Variants in STAG2 observed in about 807,000 individuals in gnomAD.
STAG2 encodes cohesin subunit SA-2.
STAG2 carries 14 observed loss-of-function variants against 108.1 expected under a neutral mutation model. The ratio of observed to expected loss-of-function variants is 0.13; its 90% CI spans 0.09 to 0.20. The LOEUF (loss-of-function observed/expected upper bound fraction) is 0.20. Among genes scored for constraint, STAG2 ranks in the 10% least tolerant of loss-of-function variants. STAG2 has a pLI of 1.00. For missense variants in STAG2, 440 were observed against 940.9 expected (o/e 0.47, Z 6.96); for synonymous variants, 307 against 302.7 (o/e 1.01, Z -0.15).
chrX:124,042,505 C>A (rs964233454), intron 6 of STAG2, 64 bp from the exon 7 acceptor site: 3 of 808,258 alleles, frequency 3.7e-6, no homozygotes, highest in East Asian at 3.2e-5. Context: ...TAGAGACTTA[C>A]TTGGAAGTTT....
In STAG2 at chrX:124,068,676, G is replaced by A. The variant is rs374104166; in HGVS notation, c.2358+20G>A. ...GAACAGGTTAGTAATTACTATAGAT[G>A]GTAATCTTTTTGTAAGCAACCTTTA... On this transcript the variant is annotated intron_variant, in intron 24 of 34. Coordinates refer to ENST00000371145, the MANE Select transcript of STAG2 (RefSeq NM_001042750.2). 20 of 1,054,164 alleles carry A rather than the reference G, an allele frequency of 1.9e-5. No individual in the cohort carries two copies. In the African/African-American group the frequency reaches 3.1e-4, roughly 16 times the overall value. The allele number at this position is 1,054,164 out of a possible 1,213,427, so 86.9% of individuals were successfully genotyped here. A position where few individuals can be genotyped will look rare whatever the true frequency, so the allele number is the denominator to read the frequency against.
At position 124,036,609 on chromosome X, in the gene STAG2, C is replaced by T. The variant is rs147756175; in HGVS notation, c.289-918C>T. 6.1e-3 allele frequency among the ~76,000 whole-genome samples: 681 copies of T among 111,065 alleles called. 8 individuals carry two copies. The highest frequency in any genetic ancestry group is 0.02 in the African/African-American group (614 of 30,573). On this transcript the variant is annotated intron_variant, in intron 5 of 34. Transcript: ENST00000371145. ...CATGTTGGCCTCTCGAACTCCTGAC[C>T]TCAAGTGATCCGCTGGCTTCAGCCT...
At chrX:124,047,333 A>G (rs372012887) in intron 8 of STAG2, 21 bp from the exon 9 acceptor site, 980 of 1,157,222 alleles carry the variant, frequency 8.5e-4, no homozygotes, top group Non-Finnish European at 1.1e-3. Flanking sequence ...GTTTCACCAT[A>G]CTTTTACTCT....
chrX:124,098,575 T>C (rs1035344799), intron 34 of STAG2, among the ~76,000 whole-genome samples: 3 of 111,583 alleles, frequency 2.7e-5, no homozygotes, highest in Non-Finnish European at 5.7e-5. Context: ...TTAAATTCTT[T>C]AATGTCCAGT....
At chrX:124,026,566 A>AT (rs780920254) in intron 4 of STAG2, 121 of 271,133 alleles carry the variant, frequency 4.5e-4, no homozygotes, top group African/African-American at 3.2e-3. Context: ...GTTGTTCAGC[A>AT]TTTGTTTTTC....
chrX:124,027,860 C>G (rs2057158814), intron 4 of STAG2, among the ~76,000 whole-genome samples: 1 of 111,053 alleles, frequency 9.0e-6, no homozygotes, highest in Non-Finnish European at 1.9e-5. Context: ...TTTTTTCTCT[C>G]CAAGGTTGTA....
chrX:124,058,048 T>C lies in STAG2; in HGVS notation c.1416+71T>C, dbSNP rs369504223. 2.5e-5 allele frequency: 14 copies of C among 565,407 alleles called. 1 individual carries two copies. In the East Asian group the frequency reaches 3.1e-4, roughly 13 times the overall value. 46.6% of individuals were successfully genotyped at this position (565,407 alleles called of 1,213,427 possible). A position where few individuals can be genotyped will look rare whatever the true frequency, so the allele number is the denominator to read the frequency against. On this transcript the variant is annotated intron_variant, in intron 15 of 34. Transcript: ENST00000371145. ...GAAAAGGGGTTAAAATGAGGCACAT[T>C]TAAAAAAATATTCCTTGTAGCACAG...
chrX:123,978,314 C>G lies in STAG2; in HGVS notation c.-163+16458C>G, dbSNP rs369532418. ...GCTATTCTTCCTGATGCTCTTCCCC[C>G]ACTCCCACAGGCCCCATTGTGTGTT... On this transcript the variant is annotated intron_variant, in intron 1 of 34. Coordinates refer to ENST00000371145, the MANE Select transcript of STAG2 (RefSeq NM_001042750.2). Among the ~76,000 whole-genome samples the G allele has an allele frequency of 4.6e-5, 5 of 109,333 alleles. No individual in the cohort carries two copies. The East Asian group carries it at 8.6e-4, about 19-fold the overall frequency. The allele number at this position is 109,333 out of a possible 115,157, so 94.9% of individuals were successfully genotyped here. A position where few individuals can be genotyped will look rare whatever the true frequency, so the allele number is the denominator to read the frequency against.
At chrX:124,017,088 C>A (rs2056755655) in intron 1 of STAG2, among the ~76,000 whole-genome samples, 1 of 110,788 alleles carries the variant, frequency 9.0e-6, no homozygotes, top group Non-Finnish European at 1.9e-5. Flanking sequence ...TTAAGTGTTC[C>A]CCTCCCCTGT....
At chrX:123,991,672 T>C (rs1307180167) in intron 1 of STAG2, among the ~76,000 whole-genome samples, 1 of 108,005 alleles carries the variant, frequency 9.3e-6, no homozygotes, top group Non-Finnish European at 1.9e-5. Context: ...TTTTCTTTTT[T>C]TTTTTTTTTG....
intron 13 of STAG2, among the ~76,000 whole-genome samples, chrX:124,051,801 A>G (rs950124612): frequency 1.9e-4 from 21 of 111,229 alleles, no homozygotes; most frequent in Admixed American, 6.7e-4. Context: ...TGTGTTAGCC[A>G]GGATGGTCTC....
At chrX:123,987,269 C>A (rs772971209) in intron 1 of STAG2, among the ~76,000 whole-genome samples, 42 of 108,940 alleles carry the variant, frequency 3.9e-4, no homozygotes, top group Non-Finnish European at 7.6e-4. Flanking sequence ...GGATTACAGG[C>A]GTGAGCCACC....
At chrX:124,071,413 AT>A in intron 25 of STAG2, 90 bp downstream of exon 25, 1 of 738,742 alleles carries the variant, frequency 1.4e-6, no homozygotes, top group Non-Finnish European at 1.9e-6. Context: ...ACTAAAATAT[AT>A]TTTATCCTTA....
rs746139403 is a variant in STAG2, at chrX:124,066,224, T to C, written c.2146T>C (p.Leu716=). 2.7e-5 allele frequency: 32 copies of C among 1,200,086 alleles called. No individual in the cohort carries two copies. The Admixed American group carries it at 2.9e-4, about 11-fold the overall frequency. Residue 716 remains leucine, a synonymous_variant, in exon 22 of 35, where the codon TTG becomes CTG. Coordinates refer to ENST00000371145, the MANE Select transcript of STAG2 (RefSeq NM_001042750.2). The part of the protein sequence containing the change: ...WDLFACNYKL[L]KTGIENGDMP... ...TTTATTTGCTTGTAATTACAAACTC[T>C]TGAAAACTGGAATCGAAAATGGAGA... is the stretch of plus-strand genomic sequence containing the variant.
In STAG2 at chrX:124,063,928, A is replaced by G; in HGVS notation, c.1902A>G (p.Lys634=). The G allele has an allele frequency of 8.3e-7, 1 of 1,209,273 alleles. No homozygotes were observed. Among genetic ancestry groups the G allele is most frequent in the Non-Finnish European group, 1.1e-6 (1 of 893,130 alleles). ...TDTDVLEACS[K]TYHALCNEEF... is the part of the protein sequence containing the mutation. ...CAGATGTTTTGGAAGCATGTTCTAA[A>G]ACTTACCATGCACTCTGTAATGAAG... The change falls in exon 20 of 35, where the codon AAA becomes AAG. Residue 634 remains lysine, a synonymous_variant. Coordinates refer to ENST00000371145, the MANE Select transcript of STAG2 (RefSeq NM_001042750.2).
In STAG2 at chrX:124,094,170, G is replaced by C. The variant is rs978974062; in HGVS notation, c.3705+26G>C. On this transcript the variant is annotated intron_variant, in intron 33 of 34. Transcript: ENST00000371145. Reference sequence around the variant, plus strand: ...GTAAGAAACTTAATGATTTCTGTAAGATTTTCAGTTTAGATCTTTTGAAAA... The same window carrying C: ...GTAAGAAACTTAATGATTTCTGTAACATTTTCAGTTTAGATCTTTTGAAAA... 3.4e-6 allele frequency: 4 copies of C among 1,174,164 alleles called. No homozygotes were observed. In the African/African-American group the frequency reaches 7.1e-5, roughly 21 times the overall value.
chrX:124,006,686 A>T (rs1029947546), intron 1 of STAG2, among the ~76,000 whole-genome samples: 1 of 110,614 alleles, frequency 9.0e-6, no homozygotes, highest in Non-Finnish European at 1.9e-5. Flanking sequence ...TGATCCGCCC[A>T]CCTCGGCCTC....
chrX:124,065,795 A>AT, intron 20 of STAG2, 81 bp from the exon 21 acceptor site: 1 of 689,176 alleles, frequency 1.5e-6, no homozygotes, highest in Non-Finnish European at 2.0e-6. Flanking sequence ...GTTATTTTTC[A>AT]TTTTTCAAGG....
At chrX:124,054,404 CACTT>C (rs776056687) in intron 13 of STAG2, among the ~76,000 whole-genome samples, 3 of 111,917 alleles carry the variant, frequency 2.7e-5, no homozygotes, top group African/African-American at 9.7e-5. Context: ...TCAGGGAACT[CACTT>C]ACCTTGGAAT....
Sources: allele counts gnomAD v4.1 joint callset (sites outside exome capture counted in the v4.1 genomes callset), GRCh38; gene constraint gnomAD v4.1.1; transcripts MANE v1.5; gene names NCBI Gene and HGNC (gene_info 2026-07-23, HGNC 2026-07-21).